GBE1: variants seen among roughly 807,000 people sequenced by gnomAD.
The protein encoded by GBE1 is 1,4-alpha-glucan-branching enzyme.
In GBE1, 70 loss-of-function variants were observed where a neutral mutation model predicts 88.8. The observed-to-expected ratio is 0.79, with a 90% confidence interval of 0.65 to 0.96. The LOEUF is 0.96. Ranked by LOEUF, GBE1 falls within the 40% of genes least tolerant of loss-of-function variation. GBE1 has a pLI of 0.00. For missense variants in GBE1, 872 were observed against 871.0 expected, an observed-to-expected ratio of 1.00 and a Z score of -0.01; for synonymous variants, 284 against 300.1, an observed-to-expected ratio of 0.95 and a Z score of 0.56.
chr3:81,693,901 AGAGAATAAAACTTT>A (rs993463597), intron 2 of GBE1, among the ~76,000 whole-genome samples: 1 of 152,240 alleles, frequency 6.6e-6, no homozygotes, highest in Non-Finnish European at 1.5e-5. Flanking sequence ...AAAAAAAGGA[AGAGAATAAAACTTT>A]GATATTACTT....
intron 1 of GBE1, among the ~76,000 whole-genome samples, chr3:81,760,277 G>A (rs1052353823): frequency 2.0e-5 from 3 of 152,156 alleles, no homozygotes. Context: ...TTATTTATAG[G>A]AGTTCCTCAA....
intron 3 of GBE1, among the ~76,000 whole-genome samples, chr3:81,657,796 T>C (rs1384598195): frequency 1.3e-5 from 2 of 152,186 alleles, no homozygotes; most frequent in South Asian, 2.1e-4. Flanking sequence ...ATTTAGTTCA[T>C]AGTTTTCAAT....
At chr3:81,638,480 T>C (rs1193475456) in intron 7 of GBE1, among the ~76,000 whole-genome samples, 3 of 152,130 alleles carry the variant, frequency 2.0e-5, no homozygotes, top group African/African-American at 7.2e-5. Flanking sequence ...ATTTATGTAG[T>C]GCCAGAGGAA....
chr3:81,562,940 A>G (rs1363379446), intron 12 of GBE1, among the ~76,000 whole-genome samples: 1 of 151,836 alleles, frequency 6.6e-6, no homozygotes, highest in Non-Finnish European at 1.5e-5. Flanking sequence ...CTAAAATTTT[A>G]GAGGCAGAGA....
At chr3:81,754,451 A>G (rs937089083) in intron 1 of GBE1, among the ~76,000 whole-genome samples, 1 of 152,022 alleles carries the variant, frequency 6.6e-6, no homozygotes, top group Non-Finnish European at 1.5e-5. Flanking sequence ...ACAGAAATAT[A>G]AAAATAAATC....
intron 15 of GBE1, among the ~76,000 whole-genome samples, chr3:81,496,208 AT>A (rs1218904286): frequency 6.6e-6 from 1 of 152,230 alleles, no homozygotes; most frequent in Non-Finnish European, 1.5e-5. Flanking sequence ...GCTCTGCCCT[AT>A]CGCTTTTGGA....
At chr3:81,594,307 C>T (rs1034095378) in intron 7 of GBE1, among the ~76,000 whole-genome samples, 2 of 151,796 alleles carry the variant, frequency 1.3e-5, no homozygotes, top group East Asian at 3.9e-4. Context: ...AACCAGAGAC[C>T]CTGCCTTATT....
chr3:81,668,159 G>C (rs973151869), intron 3 of GBE1, among the ~76,000 whole-genome samples: 1 of 152,060 alleles, frequency 6.6e-6, no homozygotes, highest in African/African-American at 2.4e-5. Flanking sequence ...TCATAAATGG[G>C]AGTTGAACAA....
At chr3:81,594,703 GT>G (rs1703932257) in intron 7 of GBE1, among the ~76,000 whole-genome samples, 1 of 151,944 alleles carries the variant, frequency 6.6e-6, no homozygotes, top group Non-Finnish European at 1.5e-5. Context: ...AGTTTTATGA[GT>G]TTAAGAGTCC....
In GBE1 at chr3:81,750,009, A is replaced by C. The variant is rs74551007; in HGVS notation, c.143+11366T>G. On this transcript the variant is annotated intron_variant, in intron 1 of 15. Transcript: ENST00000429644. ...TGGGTACCATACAGTTTTTAATTAAAGGCACTTTGGAGAAGTAAAGCAAAA... is the reference window on the plus strand; with the variant it reads ...TGGGTACCATACAGTTTTTAATTAACGGCACTTTGGAGAAGTAAAGCAAAA... Among the ~76,000 whole-genome samples the C allele has an allele frequency of 2.6e-5, 4 of 152,280 alleles. No homozygotes were observed. The East Asian group carries it at 7.7e-4, about 29-fold the overall frequency.
chr3:81,604,286 C>CTTTT (rs775592244), intron 7 of GBE1, among the ~76,000 whole-genome samples: 19 of 54,896 alleles, frequency 3.5e-4, no homozygotes, highest in Non-Finnish European at 4.6e-4. Flanking sequence ...TTCTTTCTTT[C>CTTTT]TTTTTTTTTT....
chr3:81,651,054 G>C (rs1045929506), intron 3 of GBE1, among the ~76,000 whole-genome samples: 1 of 152,138 alleles, frequency 6.6e-6, no homozygotes, highest in Non-Finnish European at 1.5e-5. Flanking sequence ...TAAAAATCCA[G>C]ATTAAAAGCT....
chr3:81,564,940 G>T (rs1050963252), intron 12 of GBE1, among the ~76,000 whole-genome samples: 1 of 152,118 alleles, frequency 6.6e-6, no homozygotes, highest in Non-Finnish European at 1.5e-5. Context: ...CAGCGATTCT[G>T]TCTCAAATGG....
intron 12 of GBE1, among the ~76,000 whole-genome samples, chr3:81,573,092 A>C (rs747519576): frequency 6.0e-5 from 9 of 150,906 alleles, no homozygotes; most frequent in Non-Finnish European, 8.8e-5. Context: ...TGATTATTTA[A>C]AAAAAAATAA....
At chr3:81,682,423 C>T (rs1705360368) in intron 2 of GBE1, among the ~76,000 whole-genome samples, 1 of 152,076 alleles carries the variant, frequency 6.6e-6, no homozygotes. Flanking sequence ...GATCACACCA[C>T]TGCACTCCAG....
intron 7 of GBE1, among the ~76,000 whole-genome samples, chr3:81,620,417 C>T (rs1249605735): frequency 6.6e-6 from 1 of 151,928 alleles, no homozygotes; most frequent in African/African-American, 2.4e-5. Context: ...CTCCTGACCT[C>T]GTAATCCGCC....
At position 81,519,573 on chromosome 3, in the gene GBE1, T is replaced by C. The variant is rs535978062; in HGVS notation, c.1934+15622A>G. ...TGTATATACCAACACAAACACTTTA[T>C]AAATAAGCTGGGGGGGGTTAAAATT... On this transcript the variant is annotated intron_variant, in intron 14 of 15. Transcript: ENST00000429644. 2.2e-5 allele frequency among the ~76,000 whole-genome samples: 3 copies of C among 139,162 alleles called. No homozygotes were observed. The East Asian group carries it at 6.9e-4, about 32-fold the overall frequency. 91.3% of individuals were successfully genotyped at this position (139,162 alleles called of 152,430 possible). A position where few individuals can be genotyped will look rare whatever the true frequency, so the allele number is the denominator to read the frequency against.
intron 1 of GBE1, among the ~76,000 whole-genome samples, chr3:81,748,479 CG>C (rs1469813631): frequency 1.3e-5 from 2 of 151,464 alleles, no homozygotes; most frequent in African/African-American, 2.4e-5. Flanking sequence ...GGTGTGGTGG[CG>C]GGCGCCTGTA....
chr3:81,554,950 T>A (rs1034453014), intron 12 of GBE1, among the ~76,000 whole-genome samples: 5 of 152,184 alleles, frequency 3.3e-5, no homozygotes, highest in Non-Finnish European at 7.3e-5. Flanking sequence ...TTGCTCCAGG[T>A]TCCTGCCAAC....
Sources: gnomAD v4.1 joint callset for allele counts (sites outside exome capture counted in the v4.1 genomes callset) on GRCh38, gnomAD v4.1.1 for gene constraint, MANE v1.5 for transcripts, NCBI Gene and HGNC (gene_info 2026-07-23, HGNC 2026-07-21) for gene names.